TTLL5: variants seen among roughly 807,000 people sequenced by gnomAD.
TTLL5 encodes tubulin tyrosine ligase like 5, also known as tubulin polyglutamylase TTLL5.
In TTLL5, 132 loss-of-function variants were observed where a neutral mutation model predicts 168.4. That is an observed-to-expected ratio of 0.78 (90% CI 0.68 to 0.91). The LOEUF (loss-of-function observed/expected upper bound fraction) is 0.91, where lower values mean the gene tolerates loss of function less well. TTLL5 is among the 40% of genes least tolerant of loss of function. The probability of loss-of-function intolerance (pLI) is 0.00; values close to 1 mark genes in which losing one functional copy is unlikely to be tolerated. For synonymous variants in TTLL5, 546 were observed against 558.6 expected (o/e 0.98, Z 0.32); for missense variants, 1,545 against 1,581.5 (o/e 0.98, Z 0.39).
chr14:75,911,093 T>G (rs985992495), intron 31 of TTLL5, among the ~76,000 whole-genome samples: 2 of 152,214 alleles, frequency 1.3e-5, no homozygotes, highest in African/African-American at 2.4e-5. Flanking sequence ...AGCGGCATGA[T>G]CTCAGCTCAC....
chr14:75,844,623 A>C (rs533940772), intron 28 of TTLL5, among the ~76,000 whole-genome samples: 9 of 152,304 alleles, frequency 5.9e-5, no homozygotes, highest in Non-Finnish European at 7.3e-5. Context: ...GTTGCTATGA[A>C]GGCTAACAAA....
At chr14:75,673,651 G>A (rs995678569) in intron 3 of TTLL5, among the ~76,000 whole-genome samples, 2 of 152,210 alleles carry the variant, frequency 1.3e-5, no homozygotes, top group African/African-American at 4.8e-5. Flanking sequence ...TTTAATGTCC[G>A]ACACATAGTA....
At chr14:75,839,039 AT>A (rs1012616191) in intron 28 of TTLL5, 6 of 154,786 alleles carry the variant, frequency 3.9e-5, no homozygotes, top group African/African-American at 1.2e-4. Flanking sequence ...ATGATCTCAG[AT>A]TCCTTGATGG....
chr14:75,777,160 G>A (rs1891763168), intron 23 of TTLL5, among the ~76,000 whole-genome samples: 1 of 152,182 alleles, frequency 6.6e-6, no homozygotes, highest in Non-Finnish European at 1.5e-5. Context: ...AGCCAATTAT[G>A]TTGCTATTTT....
chr14:75,951,368 C>T (rs2034955760), intron 31 of TTLL5, among the ~76,000 whole-genome samples: 1 of 152,072 alleles, frequency 6.6e-6, no homozygotes, highest in South Asian at 2.1e-4. Flanking sequence ...AATACATAAC[C>T]TTTTCTGTAA....
intron 17 of TTLL5, among the ~76,000 whole-genome samples, chr14:75,752,312 G>A (rs1890002904): frequency 6.6e-6 from 1 of 152,182 alleles, no homozygotes; most frequent in South Asian, 2.1e-4. Context: ...AGGATTCTAA[G>A]GAGACTTGGC....
chr14:75,855,844 A>C (rs1897101526), intron 28 of TTLL5, among the ~76,000 whole-genome samples: 1 of 152,210 alleles, frequency 6.6e-6, no homozygotes, highest in South Asian at 2.1e-4. Context: ...GACATAATAC[A>C]ATCCAGTCTC....
chr14:75,811,147 GAAAGAA>G (rs1893973206), intron 27 of TTLL5, among the ~76,000 whole-genome samples: 3 of 118,950 alleles, frequency 2.5e-5, no homozygotes, highest in Non-Finnish European at 5.1e-5. Flanking sequence ...GAGAGGGAAT[GAAAGAA>G]AGAGTGTGTG....
intron 27 of TTLL5, among the ~76,000 whole-genome samples, chr14:75,794,688 C>T (rs1892905980): frequency 6.6e-6 from 1 of 152,126 alleles, no homozygotes; most frequent in Non-Finnish European, 1.5e-5. Context: ...CTGAACTTGC[C>T]ATTAGATGTC....
chr14:75,804,338 ATTTCT>A (rs1184935660), intron 27 of TTLL5, among the ~76,000 whole-genome samples: 2 of 152,358 alleles, frequency 1.3e-5, no homozygotes, highest in African/African-American at 4.8e-5. Flanking sequence ...ATTCTTTATC[ATTTCT>A]TCTGCTTCCG....
chr14:75,842,515 C>T (rs1896315806), intron 28 of TTLL5, among the ~76,000 whole-genome samples: 1 of 152,126 alleles, frequency 6.6e-6, no homozygotes, highest in Admixed American at 6.6e-5. Flanking sequence ...CTGCTTAGGT[C>T]TTTTCTCTCC....
At chr14:75,771,466 T>G (rs976814828) in intron 20 of TTLL5, among the ~76,000 whole-genome samples, 4 of 152,124 alleles carry the variant, frequency 2.6e-5, no homozygotes, top group African/African-American at 9.7e-5. Context: ...AGAAATCTAA[T>G]TTTCTATTCT....
intron 10 of TTLL5, 34 bp downstream of exon 10, chr14:75,717,996 G>A: frequency 1.3e-6 from 2 of 1,593,878 alleles, no homozygotes; most frequent in Non-Finnish European, 1.7e-6. Context: ...AGTCAGAGGT[G>A]TCAGTCTCAG....
Position 75,929,705 on chromosome 14 carries a change from G to A in TTLL5, c.3824-24719G>A, listed in dbSNP as rs529832913. Among the ~76,000 whole-genome samples the A allele has an allele frequency of 6.7e-4, 102 of 152,088 alleles. 2 individuals carry two copies. Among genetic ancestry groups the A allele is most frequent in the Non-Finnish European group, 7.4e-5 (5 of 67,992 alleles). ...TGATCTCAGGTGATCTACCCACCTC[G>A]GCCTCCCAAAGTGCTGGGATTACAG... On this transcript the variant is annotated intron_variant, in intron 31 of 31. Transcript: ENST00000298832.
At chr14:75,703,225 G>A (rs928938734) in intron 7 of TTLL5, among the ~76,000 whole-genome samples, 7 of 152,236 alleles carry the variant, frequency 4.6e-5, no homozygotes, top group African/African-American at 1.7e-4. Context: ...TGGAGTTGGT[G>A]TGAGGGCCAA....
At chr14:75,735,158 A>G in intron 14 of TTLL5, 37 bp from the exon 15 acceptor site, 1 of 1,601,958 alleles carries the variant, frequency 6.2e-7, no homozygotes, top group Non-Finnish European at 8.6e-7. Context: ...ATTTCTTAGA[A>G]AATGGCAGGT....
intron 12 of TTLL5, among the ~76,000 whole-genome samples, chr14:75,721,081 G>A (rs1165000574): frequency 6.6e-6 from 1 of 152,166 alleles, no homozygotes; most frequent in Non-Finnish European, 1.5e-5. Context: ...ACCAGTATGT[G>A]CTTTCTCCCA....
intron 15 of TTLL5, among the ~76,000 whole-genome samples, chr14:75,737,061 C>T (rs373090426): frequency 6.6e-6 from 1 of 152,188 alleles, no homozygotes; most frequent in African/African-American, 2.4e-5. Flanking sequence ...TGCCAAGTTT[C>T]ACTTCTAGAG....
At chr14:75,848,451 C>T (rs1024814403) in intron 28 of TTLL5, among the ~76,000 whole-genome samples, 1 of 152,022 alleles carries the variant, frequency 6.6e-6, no homozygotes, top group African/African-American at 2.4e-5. Context: ...CAATAAGGGC[C>T]AGCTGTGCTT....
Sources: allele counts gnomAD v4.1 joint callset (sites outside exome capture counted in the v4.1 genomes callset), GRCh38; gene constraint gnomAD v4.1.1; transcripts MANE v1.5; gene names NCBI Gene and HGNC (gene_info 2026-07-23, HGNC 2026-07-21).